TMEM117: variants seen among roughly 807,000 people sequenced by gnomAD.
TMEM117 encodes the protein transmembrane protein 117.
TMEM117 carries 27 observed loss-of-function variants against 52.4 expected under a neutral mutation model. The observed-to-expected ratio is 0.51, with a 90% CI of 0.38 to 0.71. The LOEUF is 0.71. Among genes scored for constraint, TMEM117 ranks in the 30% least tolerant of loss-of-function variants. TMEM117 has a pLI of 0.00. For synonymous variants in TMEM117, 215 were observed against 206.3 expected (o/e 1.04, Z -0.36); for missense variants, 556 against 630.5 (o/e 0.88, Z 1.26).
chr12:44,169,589 A>T (rs2138278735), intron 4 of TMEM117, among the ~76,000 whole-genome samples: 1 of 152,270 alleles, frequency 6.6e-6, no homozygotes, highest in African/African-American at 2.4e-5. Context: ...TATATTCTGG[A>T]CATTAATCCC....
At chr12:44,011,752 A>C (rs1285282135) in intron 3 of TMEM117, among the ~76,000 whole-genome samples, 1 of 152,206 alleles carries the variant, frequency 6.6e-6, no homozygotes, top group Non-Finnish European at 1.5e-5. Flanking sequence ...AATAATTACA[A>C]CAATATACTG....
chr12:43,822,916 G>A, the TMEM117 span, among the ~76,000 whole-genome samples: 8 of 149,150 alleles, frequency 5.4e-5, no homozygotes, highest in African/African-American at 2.0e-4. Flanking sequence ...AAAAAAAAAA[G>A]GGTAATCTAC....
intron 3 of TMEM117, among the ~76,000 whole-genome samples, chr12:44,101,799 G>GTTCCTGA (rs1360839525): frequency 1.3e-5 from 2 of 151,998 alleles, no homozygotes; most frequent in Non-Finnish European, 2.9e-5. Context: ...CTGAGCATGT[G>GTTCCTGA]GCTGTCCTCC....
At chr12:44,217,764 A>G (rs1416511226) in intron 5 of TMEM117, among the ~76,000 whole-genome samples, 6 of 152,208 alleles carry the variant, frequency 3.9e-5, no homozygotes, top group African/African-American at 1.4e-4. Context: ...TCTATGTGTA[A>G]GCTGGACAAA....
intron 3 of TMEM117, among the ~76,000 whole-genome samples, chr12:43,992,501 A>G (rs931269130): frequency 1.3e-5 from 2 of 151,838 alleles, no homozygotes; most frequent in Non-Finnish European, 2.9e-5. Context: ...CTGGTTTCGA[A>G]CTCCTGGGTT....
chr12:44,159,442 A>G (rs1342184812), intron 4 of TMEM117, among the ~76,000 whole-genome samples: 2 of 152,128 alleles, frequency 1.3e-5, no homozygotes, highest in Non-Finnish European at 1.5e-5. Context: ...GTTTTCTAAA[A>G]CAAATGCAGA....
intron 2 of TMEM117, among the ~76,000 whole-genome samples, chr12:43,919,942 ATCTCTAGG>A (rs1326981031): frequency 6.6e-6 from 1 of 151,656 alleles, no homozygotes; most frequent in East Asian, 2.0e-4. Context: ...TCGTATTTAT[ATCTCTAGG>A]TCCAGCATCA....
intron 4 of TMEM117, among the ~76,000 whole-genome samples, chr12:44,198,972 G>A (rs1949457301): frequency 6.6e-6 from 1 of 152,134 alleles, no homozygotes; most frequent in Non-Finnish European, 1.5e-5. Context: ...TAGTGTATTT[G>A]GGACTTTATA....
chr12:44,205,459 A>G (rs1949552459), intron 4 of TMEM117, among the ~76,000 whole-genome samples: 1 of 152,180 alleles, frequency 6.6e-6, no homozygotes, highest in African/African-American at 2.4e-5. Context: ...CAGTGTGAGA[A>G]CAGATGAATA....
At chr12:44,369,130 T>C (rs1202953104) in intron 6 of TMEM117, among the ~76,000 whole-genome samples, 1 of 152,188 alleles carries the variant, frequency 6.6e-6, no homozygotes. Context: ...AGTACTGATT[T>C]TCCATTATTC....
chr12:44,203,191 A>C (rs937965631), intron 4 of TMEM117, among the ~76,000 whole-genome samples: 8 of 152,072 alleles, frequency 5.3e-5, no homozygotes, highest in African/African-American at 1.9e-4. Flanking sequence ...AATCTTGGGA[A>C]GTTATATGTT....
intron 5 of TMEM117, among the ~76,000 whole-genome samples, chr12:44,230,803 A>G (rs968792928): frequency 1.3e-5 from 2 of 151,932 alleles, no homozygotes; most frequent in African/African-American, 4.8e-5. Flanking sequence ...ATTCTCTTTG[A>G]CATTCTTTGC....
At chr12:43,953,785 G>A (rs1369054941) in intron 3 of TMEM117, among the ~76,000 whole-genome samples, 1 of 152,092 alleles carries the variant, frequency 6.6e-6, no homozygotes, top group Non-Finnish European at 1.5e-5. Context: ...CTTGAACTCA[G>A]CTCTAGACCA....
At chr12:44,376,024 T>C (rs1454683698) in intron 6 of TMEM117, among the ~76,000 whole-genome samples, 1 of 152,192 alleles carries the variant, frequency 6.6e-6, no homozygotes, top group Admixed American at 6.5e-5. Flanking sequence ...GGTCTTCCAT[T>C]ATTTGGCTCA....
At chr12:44,144,076 T>C (rs1196991789) in intron 4 of TMEM117, among the ~76,000 whole-genome samples, 2 of 152,200 alleles carry the variant, frequency 1.3e-5, no homozygotes, top group African/African-American at 4.8e-5. Flanking sequence ...TTTAGCAATT[T>C]AAGAAATCAT....
chr12:43,992,499 G>A (rs550899725), intron 3 of TMEM117, among the ~76,000 whole-genome samples: 4 of 152,106 alleles, frequency 2.6e-5, no homozygotes, highest in African/African-American at 4.8e-5. Context: ...GGCTGGTTTC[G>A]AACTCCTGGG....
intron 5 of TMEM117, 113 bp downstream of exon 5, chr12:44,211,500 T>G: frequency 1.5e-6 from 1 of 671,366 alleles, no homozygotes; most frequent in Non-Finnish European, 2.5e-6. Context: ...ACATTTTTGG[T>G]AGCTACTATG....
chr12:44,188,903 G>C (rs1004028441), intron 4 of TMEM117, among the ~76,000 whole-genome samples: 28 of 152,030 alleles, frequency 1.8e-4, no homozygotes, highest in Non-Finnish European at 3.7e-4. Flanking sequence ...GTCTAGAAAA[G>C]TGCTTTAGCA....
intron 5 of TMEM117, among the ~76,000 whole-genome samples, chr12:44,254,711 G>T (rs1466872371): frequency 6.6e-6 from 1 of 151,818 alleles, no homozygotes; most frequent in African/African-American, 2.4e-5. Context: ...ACAATGTGCA[G>T]GTTTGTTACA....
Sources: allele counts gnomAD v4.1 joint callset (sites outside exome capture counted in the v4.1 genomes callset), GRCh38; gene constraint gnomAD v4.1.1; transcripts MANE v1.5; gene names NCBI Gene and HGNC (gene_info 2026-07-23, HGNC 2026-07-21).